Variants in ULK4 observed in about 807,000 individuals in gnomAD.
ULK4 encodes unc-51 like kinase 4, also known as inactive serine/threonine-protein kinase ULK4.
ULK4 carries 133 observed loss-of-function variants against 160.6 expected under a neutral mutation model. That is an observed-to-expected ratio of 0.83 (90% CI 0.72 to 0.96). ULK4 has a LOEUF of 0.96. Ranked by LOEUF, ULK4 falls within the 40% of genes least tolerant of loss-of-function variation. The probability of loss-of-function intolerance (pLI) is 0.00; values close to 1 mark genes in which losing one functional copy is unlikely to be tolerated. For missense variants in ULK4, 1,580 were observed against 1,499.5 expected (o/e 1.05, Z -0.89); for synonymous variants, 534 against 539.8 (o/e 0.99, Z 0.15).
chr3:41,465,261 G>T (rs1458278117), intron 32 of ULK4, among the ~76,000 whole-genome samples: 2 of 152,138 alleles, frequency 1.3e-5, no homozygotes, highest in African/African-American at 4.8e-5. Context: ...AGACAGTTCA[G>T]CAAAATGTAC....
intron 22 of ULK4, among the ~76,000 whole-genome samples, chr3:41,754,160 T>C (rs1202031818): frequency 1.3e-5 from 2 of 152,000 alleles, no homozygotes; most frequent in Non-Finnish European, 2.9e-5. Context: ...ACACCAGGGA[T>C]TTCTCACTCT....
intron 35 of ULK4, among the ~76,000 whole-genome samples, chr3:41,391,181 A>G (rs1001086083): frequency 1.5e-4 from 23 of 152,100 alleles, no homozygotes; most frequent in Non-Finnish European, 2.6e-4. Flanking sequence ...TGCAAACCCT[A>G]TGGCAATCAG....
chr3:41,384,185 T>TA (rs1404646983), intron 35 of ULK4, among the ~76,000 whole-genome samples: 1 of 152,068 alleles, frequency 6.6e-6, no homozygotes, highest in Non-Finnish European at 1.5e-5. Flanking sequence ...TAATATGATA[T>TA]AGTATAAGGG....
At chr3:41,883,995 G>C (rs746084060) in intron 16 of ULK4, 43 bp from the exon 17 acceptor site, 49 of 1,431,064 alleles carry the variant, frequency 3.4e-5, no homozygotes, top group Non-Finnish European at 3.6e-5. Flanking sequence ...AAGAGTCGGG[G>C]ACCGAGGAAA....
At chr3:41,339,581 A>G (rs1247522253) in intron 35 of ULK4, among the ~76,000 whole-genome samples, 1 of 152,022 alleles carries the variant, frequency 6.6e-6, no homozygotes, top group Non-Finnish European at 1.5e-5. Flanking sequence ...CCAAATCCTC[A>G]TCTCAAAGTC....
intron 19 of ULK4, among the ~76,000 whole-genome samples, chr3:41,806,681 T>G (rs577594586): frequency 2.0e-5 from 3 of 152,342 alleles, no homozygotes; most frequent in South Asian, 2.1e-4. Flanking sequence ...TCTGGTATGT[T>G]GTGTCTTTGT....
chr3:41,928,317 A>C (rs1179162957), intron 5 of ULK4, among the ~76,000 whole-genome samples: 2 of 152,244 alleles, frequency 1.3e-5, no homozygotes, highest in Non-Finnish European at 2.9e-5. Flanking sequence ...ACAAAGATAC[A>C]ATGTACCAGA....
At chr3:41,666,605 C>A (rs1239275769) in intron 29 of ULK4, among the ~76,000 whole-genome samples, 1 of 152,122 alleles carries the variant, frequency 6.6e-6, no homozygotes, top group Non-Finnish European at 1.5e-5. Flanking sequence ...CCTTCGTGTA[C>A]CCTGGATAAC....
At chr3:41,799,824 C>T (rs1390752865) in intron 20 of ULK4, among the ~76,000 whole-genome samples, 1 of 152,126 alleles carries the variant, frequency 6.6e-6, no homozygotes, top group Non-Finnish European at 1.5e-5. Flanking sequence ...GATCACACCA[C>T]TGCACTCCAG....
At chr3:41,558,939 A>G (rs1354049438) in intron 32 of ULK4, among the ~76,000 whole-genome samples, 2 of 140,270 alleles carry the variant, frequency 1.4e-5, no homozygotes, top group African/African-American at 5.0e-5. Context: ...GGTTAGTTAC[A>G]TATGTATACA....
At chr3:41,569,528 T>TA (rs766522810) in intron 31 of ULK4, among the ~76,000 whole-genome samples, 35 of 152,292 alleles carry the variant, frequency 2.3e-4, no homozygotes, top group Non-Finnish European at 4.3e-4. Flanking sequence ...AAAACACTTC[T>TA]ACTCAGGCAT....
At chr3:41,293,673 T>C (rs1575403627) in intron 35 of ULK4, among the ~76,000 whole-genome samples, 1 of 152,192 alleles carries the variant, frequency 6.6e-6, no homozygotes, top group African/African-American at 2.4e-5. Context: ...ATTTTTGCCT[T>C]GTTTCCTCAA....
intron 21 of ULK4, among the ~76,000 whole-genome samples, chr3:41,784,536 T>C (rs2039947877): frequency 6.6e-6 from 1 of 152,220 alleles, no homozygotes; most frequent in South Asian, 2.1e-4. Context: ...GTTGTGATTG[T>C]TCACTTTTAA....
At chr3:41,825,962 T>C (rs1368643720) in intron 18 of ULK4, among the ~76,000 whole-genome samples, 1 of 152,162 alleles carries the variant, frequency 6.6e-6, no homozygotes, top group East Asian at 1.9e-4. Flanking sequence ...GCGGATCTCT[T>C]CGCAAAAACT....
chr3:41,590,322 A>G (rs2031192140), intron 31 of ULK4, among the ~76,000 whole-genome samples: 1 of 151,680 alleles, frequency 6.6e-6, no homozygotes, highest in Admixed American at 6.6e-5. Context: ...AGTTTTAAAA[A>G]TAAAAAAGAA....
chr3:41,743,333 GA>G (rs1197299279), intron 22 of ULK4, among the ~76,000 whole-genome samples: 9 of 145,480 alleles, frequency 6.2e-5, no homozygotes, highest in Non-Finnish European at 1.1e-4. Flanking sequence ...GACTAAAAAG[GA>G]AAAAAAAAAC....
intron 34 of ULK4, among the ~76,000 whole-genome samples, chr3:41,430,017 C>T (rs931450253): frequency 1.3e-5 from 2 of 152,086 alleles, no homozygotes; most frequent in African/African-American, 4.8e-5. Flanking sequence ...CCTCTTCATC[C>T]TAATTTCCTT....
chr3:41,910,536 C>T (rs1698744345), intron 11 of ULK4, among the ~76,000 whole-genome samples: 1 of 151,812 alleles, frequency 6.6e-6, no homozygotes, highest in Admixed American at 6.6e-5. Context: ...GTGGAGGCTG[C>T]AGTGAGCCAA....
At chr3:41,279,091 G>A (rs2079289756) in intron 35 of ULK4, among the ~76,000 whole-genome samples, 1 of 152,036 alleles carries the variant, frequency 6.6e-6, no homozygotes, top group African/African-American at 2.4e-5. Flanking sequence ...AAACAGTGTA[G>A]AGAACATAAA....
Sources: allele counts gnomAD v4.1 joint callset (sites outside exome capture counted in the v4.1 genomes callset), GRCh38; gene constraint gnomAD v4.1.1; transcripts MANE v1.5; gene names NCBI Gene and HGNC (gene_info 2026-07-23, HGNC 2026-07-21).